PHACTR4: variants seen among roughly 807,000 people sequenced by gnomAD.
PHACTR4 encodes protein phosphatase 1, regulatory subunit 124.
A neutral mutation model predicts 72.7 loss-of-function variants in PHACTR4; 51 were observed. That is an observed-to-expected ratio of 0.70 (90% CI 0.56 to 0.89). The LOEUF (loss-of-function observed/expected upper bound fraction) is 0.89. Among genes scored for constraint, PHACTR4 ranks in the 40% least tolerant of loss-of-function variants. The pLI is 0.00. For synonymous variants in PHACTR4, 255 were observed against 302.5 expected, an observed-to-expected ratio of 0.84 and a Z score of 1.63; for missense variants, 731 against 861.8, an observed-to-expected ratio of 0.85 and a Z score of 1.90.
At chr1:28,414,288 A>C (rs1385793248) in intron 2 of PHACTR4, among the ~76,000 whole-genome samples, 3 of 151,772 alleles carry the variant, frequency 2.0e-5, no homozygotes, top group African/African-American at 7.3e-5. Context: ...CTGGTCTCGA[A>C]CTCCTGACCT....
At position 28,499,067 on chromosome 1, in the gene PHACTR4, A is replaced by G. The variant is rs1358868398; in HGVS notation, c.*2518A>G. 8.3e-6 allele frequency: 1 copy of G among 120,908 alleles called. No homozygotes were observed. Among genetic ancestry groups the G allele is most frequent in the Non-Finnish European group, 1.6e-5 (1 of 61,080 alleles). The allele number at this position is 120,908 out of a possible 1,614,324, so 7.5% of individuals were successfully genotyped here. A position where few individuals can be genotyped will look rare whatever the true frequency, so the allele number is the denominator to read the frequency against. On this transcript the variant is annotated 3_prime_UTR_variant, in exon 14 of 14. Coordinates refer to ENST00000373839, the MANE Select transcript of PHACTR4 (RefSeq NM_001048183.3). ...TGGGCAACAGAGCGAGACTCCATCA[A>G]AAAAAAAAAAAAAAAAGAAGGAAGG...
intron 2 of PHACTR4, among the ~76,000 whole-genome samples, chr1:28,420,501 T>G (rs1414304398): frequency 6.6e-6 from 1 of 152,166 alleles, no homozygotes; most frequent in East Asian, 1.9e-4. Context: ...CATGCTGAAC[T>G]GTGAGTCAAT....
At chr1:28,458,152 G>GTGTGTA (rs1553197800) in intron 2 of PHACTR4, among the ~76,000 whole-genome samples, 1 of 147,088 alleles carries the variant, frequency 6.8e-6, no homozygotes, top group Non-Finnish European at 1.5e-5. Flanking sequence ...GTGTGTGTGT[G>GTGTGTA]TGTGTTTGAG....
chr1:28,396,806 A>AC (rs1653537871), intron 1 of PHACTR4, among the ~76,000 whole-genome samples: 1 of 148,118 alleles, frequency 6.8e-6, no homozygotes, highest in South Asian at 2.1e-4. Flanking sequence ...TTACAGGCTT[A>AC]CACCACCACG....
chr1:28,446,011 A>AATAG (rs142477538), intron 2 of PHACTR4, among the ~76,000 whole-genome samples: 15,667 of 152,124 alleles, frequency 0.1, 1,843 homozygotes, highest in African/African-American at 0.29. Flanking sequence ...TGGAGTAAAT[A>AATAG]ATAGGTTAAT....
chr1:28,397,694 AT>A (rs1188564021), intron 1 of PHACTR4, among the ~76,000 whole-genome samples: 2 of 149,770 alleles, frequency 1.3e-5, no homozygotes, highest in African/African-American at 4.9e-5. Flanking sequence ...TGAGAAAAAA[AT>A]AATTTTTGCT....
chr1:28,417,104 T>C (rs1396591093), intron 2 of PHACTR4, among the ~76,000 whole-genome samples: 1 of 151,696 alleles, frequency 6.6e-6, no homozygotes, highest in African/African-American at 2.4e-5. Flanking sequence ...TCTAGGAAAA[T>C]ATAATTTGCC....
intron 2 of PHACTR4, among the ~76,000 whole-genome samples, chr1:28,435,282 C>T (rs936807540): frequency 9.9e-5 from 15 of 151,498 alleles, no homozygotes; most frequent in East Asian, 5.8e-4. Flanking sequence ...TTTTTTTCTT[C>T]GAGACAGAGT....
At chr1:28,471,373 C>T (rs1659550930) in intron 6 of PHACTR4, among the ~76,000 whole-genome samples, 1 of 152,002 alleles carries the variant, frequency 6.6e-6, no homozygotes. Flanking sequence ...AATTAGCTAG[C>T]CTTTTACTTT....
intron 12 of PHACTR4, among the ~76,000 whole-genome samples, 169 bp from the exon 13 acceptor site, chr1:28,492,846 T>C (rs1271429823): frequency 6.6e-6 from 1 of 152,182 alleles, no homozygotes; most frequent in Non-Finnish European, 1.5e-5. Context: ...CTAAAAATTT[T>C]AGGTTTATTA....
At chr1:28,448,427 A>G (rs1465959498) in intron 2 of PHACTR4, among the ~76,000 whole-genome samples, 1 of 103,420 alleles carries the variant, frequency 9.7e-6, no homozygotes, top group Non-Finnish European at 1.9e-5. Flanking sequence ...GGGAAAGGAA[A>G]AAGGAAAGGA....
chr1:28,466,923 A>G lies in PHACTR4; in HGVS notation c.823+155A>G, dbSNP rs543105912. 23 of 1,165,968 alleles carry G rather than the reference A, an allele frequency of 2.0e-5. No individual in the cohort carries two copies. In the South Asian group the frequency reaches 3.3e-4, roughly 17 times the overall value. 72.2% of individuals were successfully genotyped at this position (1,165,968 alleles called of 1,614,324 possible). A position where few individuals can be genotyped will look rare whatever the true frequency, so the allele number is the denominator to read the frequency against. ...CAATATGGAGAAAAGTCTTAGGTTA[A>G]GAAAAAATAGGCCAGGTGCGGTGGC... On this transcript the variant is annotated intron_variant, in intron 6 of 13. Transcript: ENST00000373839.
intron 2 of PHACTR4, among the ~76,000 whole-genome samples, chr1:28,412,754 G>C (rs1654866978): frequency 6.6e-6 from 1 of 152,188 alleles, no homozygotes; most frequent in South Asian, 2.1e-4. Flanking sequence ...CCAGAGATCA[G>C]CAGATTATAC....
At chr1:28,454,045 G>A (rs1335056482) in intron 2 of PHACTR4, 1 of 289,644 alleles carries the variant, frequency 3.5e-6, no homozygotes, top group Non-Finnish European at 6.6e-6. Flanking sequence ...GCAAGACCTT[G>A]TCTCTATTAA....
At chr1:28,420,550 C>G (rs190398976) in intron 2 of PHACTR4, among the ~76,000 whole-genome samples, 24 of 152,304 alleles carry the variant, frequency 1.6e-4, no homozygotes, top group Admixed American at 9.2e-4. Flanking sequence ...GTCTTGGGCA[C>G]TTCCTTATAG....
At chr1:28,454,362 C>T (rs888279318) in intron 2 of PHACTR4, among the ~76,000 whole-genome samples, 7 of 150,308 alleles carry the variant, frequency 4.7e-5, no homozygotes, top group African/African-American at 1.7e-4. Flanking sequence ...CTGCAAGCTC[C>T]ACCTCCCGGG....
chr1:28,412,511 C>G (rs1295425529), intron 2 of PHACTR4, among the ~76,000 whole-genome samples: 3 of 152,070 alleles, frequency 2.0e-5, no homozygotes, highest in Non-Finnish European at 1.5e-5. Context: ...CAAGGACATT[C>G]TTAAAGTTGA....
chr1:28,398,381 A>G (rs1011011367), intron 1 of PHACTR4, among the ~76,000 whole-genome samples: 1 of 151,976 alleles, frequency 6.6e-6, no homozygotes, highest in South Asian at 2.1e-4. Context: ...TTAGCCAGGC[A>G]TAGTGGCATG....
chr1:28,400,260 C>T (rs1171302556), intron 1 of PHACTR4, among the ~76,000 whole-genome samples: 1 of 151,830 alleles, frequency 6.6e-6, no homozygotes, highest in Non-Finnish European at 1.5e-5. Flanking sequence ...GTAATCCCAG[C>T]TACTTGGGAG....
Sources: gnomAD v4.1 joint callset for allele counts (sites outside exome capture counted in the v4.1 genomes callset) on GRCh38, gnomAD v4.1.1 for gene constraint, MANE v1.5 for transcripts, NCBI Gene and HGNC (gene_info 2026-07-23, HGNC 2026-07-21) for gene names.